The following NKAIN2 variants were observed in gnomAD, a reference collection of about 807,000 sequenced individuals.
NKAIN2 encodes sodium/potassium transporting ATPase interacting 2, also known as sodium/potassium-transporting ATPase subunit beta-1-interacting protein 2.
NKAIN2 carries 14 observed loss-of-function variants against 32.6 expected under a neutral mutation model. That is an observed-to-expected ratio of 0.43 (90% CI 0.28 to 0.67). The LOEUF (loss-of-function observed/expected upper bound fraction) is 0.67, where lower values mean the gene tolerates loss of function less well. NKAIN2 is among the 30% of genes least tolerant of loss of function. The probability of loss-of-function intolerance (pLI) is 0.17; values close to 1 mark genes in which losing one functional copy is unlikely to be tolerated. For missense variants in NKAIN2, 198 were observed against 258.3 expected, an observed-to-expected ratio of 0.77 and a Z score of 1.60; for synonymous variants, 80 against 87.2, an observed-to-expected ratio of 0.92 and a Z score of 0.46.
intron 3 of NKAIN2, among the ~76,000 whole-genome samples, chr6:124,482,318 A>G (rs552282035): frequency 6.6e-6 from 1 of 152,344 alleles, no homozygotes; most frequent in South Asian, 2.1e-4. Flanking sequence ...TTCTAAAAAC[A>G]GTTTGGCCCC....
intron 3 of NKAIN2, among the ~76,000 whole-genome samples, chr6:124,576,749 C>G (rs896798699): frequency 6.6e-6 from 1 of 152,122 alleles, no homozygotes; most frequent in African/African-American, 2.4e-5. Flanking sequence ...TCCAAATACT[C>G]TTTAAGAAAC....
At chr6:124,744,555 G>T (rs1013751897) in intron 4 of NKAIN2, among the ~76,000 whole-genome samples, 1 of 151,532 alleles carries the variant, frequency 6.6e-6, no homozygotes, top group Non-Finnish European at 1.5e-5. Flanking sequence ...GGGGTAGGGC[G>T]AGATCTTACT....
chr6:124,649,637 C>G (rs1010694931), intron 3 of NKAIN2, among the ~76,000 whole-genome samples: 1 of 152,012 alleles, frequency 6.6e-6, no homozygotes, highest in African/African-American at 2.4e-5. Flanking sequence ...ACCGTAATAC[C>G]AAAACCAGAC....
At chr6:124,146,650 T>G (rs1424503502) in intron 1 of NKAIN2, among the ~76,000 whole-genome samples, 1 of 152,200 alleles carries the variant, frequency 6.6e-6, no homozygotes, top group Non-Finnish European at 1.5e-5. Context: ...TGTGTTATAT[T>G]CACACTGTAG....
intron 3 of NKAIN2, among the ~76,000 whole-genome samples, chr6:124,362,837 T>C (rs1404716255): frequency 6.6e-6 from 1 of 152,042 alleles, no homozygotes; most frequent in African/African-American, 2.4e-5. Context: ...AAGAATTTTA[T>C]TATTATTATT....
intron 3 of NKAIN2, among the ~76,000 whole-genome samples, chr6:124,420,294 AAC>A (rs1306088914): frequency 1.3e-5 from 2 of 152,142 alleles, no homozygotes; most frequent in Non-Finnish European, 2.9e-5. Context: ...GTTGCCTAGA[AAC>A]ACAGTCTTTT....
At chr6:124,047,513 C>T (rs995558768) in intron 1 of NKAIN2, among the ~76,000 whole-genome samples, 2 of 151,776 alleles carry the variant, frequency 1.3e-5, no homozygotes, top group Non-Finnish European at 2.9e-5. Context: ...GTCATGGACC[C>T]TACACTAACA....
At chr6:124,778,438 TCTC>T (rs1168342213) in intron 4 of NKAIN2, among the ~76,000 whole-genome samples, 2 of 152,044 alleles carry the variant, frequency 1.3e-5, no homozygotes, top group Non-Finnish European at 2.9e-5. Flanking sequence ...TTATTTTTCT[TCTC>T]CTACTCTTGT....
At chr6:123,904,645 T>C (rs1774770751) in intron 1 of NKAIN2, among the ~76,000 whole-genome samples, 1 of 152,202 alleles carries the variant, frequency 6.6e-6, no homozygotes, top group South Asian at 2.1e-4. Context: ...GATCCTGTAA[T>C]TGAATAGTTA....
At chr6:124,657,390 T>A (rs1196504058) in intron 3 of NKAIN2, among the ~76,000 whole-genome samples, 1 of 152,206 alleles carries the variant, frequency 6.6e-6, no homozygotes, top group Non-Finnish European at 1.5e-5. Context: ...CATTTGCCCA[T>A]GTGCCATTGA....
intron 3 of NKAIN2, among the ~76,000 whole-genome samples, chr6:124,577,163 C>A (rs549964572): frequency 2.0e-5 from 3 of 152,128 alleles, no homozygotes; most frequent in East Asian, 1.9e-4. Context: ...TGAATAGAAG[C>A]CTTCACCAGT....
At chr6:124,460,878 T>A (rs148620078) in intron 3 of NKAIN2, among the ~76,000 whole-genome samples, 177 of 151,884 alleles carry the variant, frequency 1.2e-3, no homozygotes, top group Non-Finnish European at 2.1e-3. Context: ...TTTGTGTAGT[T>A]CTGTTTAACT....
chr6:124,542,453 G>A (rs1342229930), intron 3 of NKAIN2, among the ~76,000 whole-genome samples: 3 of 151,982 alleles, frequency 2.0e-5, no homozygotes, highest in Admixed American at 2.0e-4. Flanking sequence ...AGGTGTCTTG[G>A]ACAACTGCTA....
chr6:123,953,263 G>T (rs1386268634), intron 1 of NKAIN2, among the ~76,000 whole-genome samples: 2 of 152,124 alleles, frequency 1.3e-5, no homozygotes, highest in Non-Finnish European at 2.9e-5. Flanking sequence ...TCCAGAAGTA[G>T]CAGCAGGGGG....
intron 2 of NKAIN2, among the ~76,000 whole-genome samples, chr6:124,321,041 A>G (rs1397317903): frequency 6.6e-6 from 1 of 152,210 alleles, no homozygotes; most frequent in African/African-American, 2.4e-5. Context: ...AGCACCTACC[A>G]CAGGACCTAA....
intron 3 of NKAIN2, among the ~76,000 whole-genome samples, chr6:124,426,929 G>A (rs1775007260): frequency 1.3e-5 from 2 of 152,122 alleles, no homozygotes; most frequent in African/African-American, 4.8e-5. Flanking sequence ...CTTCCACCAT[G>A]ATTATGAGGC....
intron 1 of NKAIN2, among the ~76,000 whole-genome samples, chr6:123,902,073 G>A (rs527752012): frequency 3.3e-5 from 5 of 152,294 alleles, no homozygotes; most frequent in African/African-American, 1.2e-4. Context: ...TTATGGTCCA[G>A]AAATCTAGGA....
chr6:123,930,601 T>A (rs1776210140), intron 1 of NKAIN2, among the ~76,000 whole-genome samples: 1 of 152,194 alleles, frequency 6.6e-6, no homozygotes, highest in Admixed American at 6.5e-5. Context: ...GTACCTTGTT[T>A]TGTACAAGTT....
At chr6:123,950,739 A>G (rs1425772002) in intron 1 of NKAIN2, among the ~76,000 whole-genome samples, 1 of 151,932 alleles carries the variant, frequency 6.6e-6, no homozygotes, top group Admixed American at 6.6e-5. Context: ...TCAAAAAACC[A>G]GCTTTTCATT....
Sources: allele counts gnomAD v4.1 joint callset (sites outside exome capture counted in the v4.1 genomes callset), GRCh38; gene constraint gnomAD v4.1.1; transcripts MANE v1.5; gene names NCBI Gene and HGNC (gene_info 2026-07-23, HGNC 2026-07-21).